The following NAV3 variants were observed in gnomAD, a reference collection of about 807,000 sequenced individuals.
The protein encoded by NAV3 is pore membrane and/or filament interacting like protein 1.
A neutral mutation model predicts 244.7 loss-of-function variants in NAV3; 87 were observed. That is an observed-to-expected ratio of 0.36 (90% CI 0.30 to 0.42). NAV3 has a LOEUF of 0.42. Among genes scored for constraint, NAV3 ranks in the 20% least tolerant of loss-of-function variants. NAV3 has a pLI of 1.00. For missense variants in NAV3, 2,663 were observed against 2,893.3 expected, an observed-to-expected ratio of 0.92 and a Z score of 1.83; for synonymous variants, 1,126 against 1,042.2, an observed-to-expected ratio of 1.08 and a Z score of -1.55.
At chr12:78,134,235 TC>T (rs1387670501) in intron 18 of NAV3, among the ~76,000 whole-genome samples, 2 of 152,200 alleles carry the variant, frequency 1.3e-5, no homozygotes, top group African/African-American at 4.8e-5. Context: ...CAGAATGAAC[TC>T]CTGTCTTCTA....
At chr12:77,952,145 T>C (rs2137669318) in intron 3 of NAV3, among the ~76,000 whole-genome samples, 1 of 152,220 alleles carries the variant, frequency 6.6e-6, no homozygotes, top group African/African-American at 2.4e-5. Context: ...ATGATGATTG[T>C]GTCTTCTGTA....
intron 2 of NAV3, among the ~76,000 whole-genome samples, chr12:77,686,424 CTTTTTTT>C (rs10573795): frequency 4.4e-5 from 5 of 113,856 alleles, no homozygotes; most frequent in African/African-American, 1.7e-4. Flanking sequence ...TTCTTTCTTT[CTTTTTTT>C]TTTTTTTTTT....
At chr12:77,611,842 A>G (rs1206384363) in intron 2 of NAV3, among the ~76,000 whole-genome samples, 2 of 152,028 alleles carry the variant, frequency 1.3e-5, no homozygotes, top group African/African-American at 4.8e-5. Flanking sequence ...TTGGGAGAAA[A>G]GGGACCAAGC....
intron 2 of NAV3, among the ~76,000 whole-genome samples, chr12:77,670,610 T>G (rs1873926201): frequency 6.6e-6 from 1 of 152,112 alleles, no homozygotes; most frequent in African/African-American, 2.4e-5. Flanking sequence ...GGTTTCATAC[T>G]AGGGATGCAG....
chr12:78,192,781 T>G (rs1282781091), intron 34 of NAV3, among the ~76,000 whole-genome samples: 1 of 152,092 alleles, frequency 6.6e-6, no homozygotes, highest in Non-Finnish European at 1.5e-5. Flanking sequence ...CTAAAAAATA[T>G]TTATTTTTTA....
intron 2 of NAV3, among the ~76,000 whole-genome samples, chr12:77,685,669 T>C (rs950854349): frequency 6.6e-6 from 1 of 152,204 alleles, no homozygotes. Flanking sequence ...CTCAGAGAAC[T>C]GTAAGAATGG....
At chr12:77,907,364 G>A (rs1258335184) in intron 1 of NAV3, among the ~76,000 whole-genome samples, 1 of 152,054 alleles carries the variant, frequency 6.6e-6, no homozygotes, top group African/African-American at 2.4e-5. Flanking sequence ...GTTGAACTTT[G>A]GTTGAAGTAG....
chr12:78,151,290 T>G (rs1028612842), intron 22 of NAV3, among the ~76,000 whole-genome samples: 1 of 152,048 alleles, frequency 6.6e-6, no homozygotes, highest in African/African-American at 2.4e-5. Flanking sequence ...TATAATGTAA[T>G]TTAGAAACCT....
intron 30 of NAV3, among the ~76,000 whole-genome samples, chr12:78,183,407 G>A (rs1006029504): frequency 2.0e-5 from 3 of 151,894 alleles, no homozygotes; most frequent in East Asian, 3.9e-4. Flanking sequence ...TATCTTTTAT[G>A]TTCTCAATAA....
At chr12:78,192,715 A>G (rs1959038607) in intron 34 of NAV3, among the ~76,000 whole-genome samples, 1 of 152,062 alleles carries the variant, frequency 6.6e-6, no homozygotes, top group African/African-American at 2.4e-5. Context: ...CAGCCCAGAA[A>G]GAAACTCTTG....
rs377607136 is a variant in NAV3, at chr12:77,637,986, G to A, written c.72+65720G>A. On this transcript the variant is annotated intron_variant, in intron 2 of 8. Transcript: ENST00000550042. The stretch of plus-strand genomic sequence containing the variant: ...CAAAGGTTCTCAACAGGCACTATTT[G>A]ATGCATCATAAAGCAACCTTTGTGA... 3.3e-5 allele frequency among the ~76,000 whole-genome samples: 5 copies of A among 152,170 alleles called. No individual in the cohort carries two copies. The South Asian group carries it at 1.0e-3, about 31-fold the overall frequency.
chr12:77,859,617 A>AG (rs1878907340), intron 1 of NAV3, among the ~76,000 whole-genome samples: 1 of 79,970 alleles, frequency 1.3e-5, no homozygotes, highest in Non-Finnish European at 3.2e-5. Context: ...TTAAAGTGTA[A>AG]TAAAAAAAAA....
At chr12:77,876,718 T>C (rs1004702809) in intron 1 of NAV3, among the ~76,000 whole-genome samples, 2 of 152,076 alleles carry the variant, frequency 1.3e-5, no homozygotes, top group African/African-American at 2.4e-5. Flanking sequence ...TACAAGCCAC[T>C]TTTTGAGTCT....
chr12:77,768,643 G>T (rs1205564842), intron 2 of NAV3, among the ~76,000 whole-genome samples: 1 of 152,226 alleles, frequency 6.6e-6, no homozygotes, highest in African/African-American at 2.4e-5. Flanking sequence ...GAGGGAGCAG[G>T]CACTTCTGAA....
chr12:77,898,730 A>G (rs1381794377), intron 1 of NAV3, among the ~76,000 whole-genome samples: 1 of 152,226 alleles, frequency 6.6e-6, no homozygotes, highest in African/African-American at 2.4e-5. Flanking sequence ...AGATGAGCTT[A>G]CTATAGCTTT....
In NAV3 at chr12:77,644,167, T is replaced by G. The variant is rs79963421; in HGVS notation, c.72+71901T>G. Among the ~76,000 whole-genome samples, 604 of 152,176 alleles carry G rather than the reference T, an allele frequency of 4.0e-3. 33 individuals carry two copies. The East Asian group carries it at 0.1, about 25-fold the overall frequency. On this transcript the variant is annotated intron_variant, in intron 2 of 8. Coordinates refer to the NAV3 transcript ENST00000550042. ...CTGAGAGGCACCTGTCCACCCACAA[T>G]TCTTGGGGCTCCATGAGGTCGAACA...
At position 77,678,154 on chromosome 12, in the gene NAV3, A is replaced by T. The variant is rs972934218; in HGVS notation, c.72+105888A>T. Among the ~76,000 whole-genome samples, 25 of 152,296 alleles carry T rather than the reference A, an allele frequency of 1.6e-4. No homozygotes were observed. The East Asian group carries it at 1.9e-3, about 12-fold the overall frequency. On this transcript the variant is annotated intron_variant, in intron 2 of 8. Coordinates refer to the NAV3 transcript ENST00000550042. Reference sequence around the variant, plus strand: ...GAAGTACACACAAATTCCACTAAGTAAAACCAGATGAAGCACATGGACAAA... The same window carrying T: ...GAAGTACACACAAATTCCACTAAGTTAAACCAGATGAAGCACATGGACAAA...
intron 9 of NAV3, among the ~76,000 whole-genome samples, chr12:78,028,885 G>A (rs756741197): frequency 6.6e-5 from 10 of 152,140 alleles, no homozygotes; most frequent in Non-Finnish European, 1.2e-4. Flanking sequence ...GCCCAGTGAC[G>A]AGGTGATCCT....
chr12:77,675,766 G>T (rs1476016901), intron 2 of NAV3, among the ~76,000 whole-genome samples: 1 of 152,158 alleles, frequency 6.6e-6, no homozygotes, highest in Non-Finnish European at 1.5e-5. Context: ...GTTCTGGGAA[G>T]GTTGTGCCTT....
Sources: gnomAD v4.1 joint callset for allele counts (sites outside exome capture counted in the v4.1 genomes callset) on GRCh38, gnomAD v4.1.1 for gene constraint, MANE v1.5 for transcripts, NCBI Gene and HGNC (gene_info 2026-07-23, HGNC 2026-07-21) for gene names.